RAB43: variants seen among roughly 807,000 people sequenced by gnomAD.
RAB43 encodes ras-related protein Rab-43.
RAB43 carries 6 observed loss-of-function variants against 18.8 expected under a neutral mutation model. The observed-to-expected ratio is 0.32, with a 90% confidence interval of 0.17 to 0.63. RAB43 has a LOEUF of 0.63. Among genes scored for constraint, RAB43 ranks in the 30% least tolerant of loss-of-function variants. The pLI is 0.79. For missense variants in RAB43, 195 were observed against 289.1 expected (o/e 0.67, Z 2.36); for synonymous variants, 103 against 124.1 (o/e 0.83, Z 1.13).
At chr3:129,092,497 C>T in intron 2 of RAB43, 2 of 700,284 alleles carry the variant, frequency 2.9e-6, no homozygotes, top group Non-Finnish European at 5.2e-6. Flanking sequence ...TATAGTGGCT[C>T]ACACCTGTAA....
At chr3:129,121,201 G>A (rs1935904336) in intron 1 of RAB43, 85 bp downstream of exon 1, 3 of 1,238,670 alleles carry the variant, frequency 2.4e-6, no homozygotes, top group Non-Finnish European at 3.4e-6. Flanking sequence ...TGGACGCGGG[G>A]TGCGCTCGCC....
intron 1 of RAB43, among the ~76,000 whole-genome samples, chr3:129,106,800 G>A (rs1359341627): frequency 6.6e-6 from 1 of 152,158 alleles, no homozygotes; most frequent in Non-Finnish European, 1.5e-5. Flanking sequence ...GTGCCTGAAG[G>A]CCCAGCATGA....
rs979833123 is a variant in RAB43, at chr3:129,095,444, G to A, written c.205-275C>T. Among the ~76,000 whole-genome samples the A allele has an allele frequency of 6.6e-6, 1 of 152,172 alleles. No individual in the cohort carries two copies. The highest frequency in any genetic ancestry group is 1.5e-5 in the Non-Finnish European group (1 of 68,024). On this transcript the variant is annotated intron_variant, in intron 1 of 2. Transcript: ENST00000315150. This position sits in a 1 kb window ranked among gnomAD's most constrained non-coding sequence, Gnocchi z 4.2. ...ACCCAGGTCCTCCGCGTGCCCCTCC[G>A]TGTGCCCCTCTCCCCTCAGGACTGG...
chr3:129,118,392 T>C (rs953775767), intron 1 of RAB43, among the ~76,000 whole-genome samples: 9 of 152,232 alleles, frequency 5.9e-5, no homozygotes, highest in Non-Finnish European at 1.0e-4. Flanking sequence ...GAGAATTCTT[T>C]AGTCAAATAA....
chr3:129,092,132 T>C (rs967743250), intron 2 of RAB43, among the ~76,000 whole-genome samples: 31 of 151,734 alleles, frequency 2.0e-4, no homozygotes, highest in African/African-American at 7.0e-4. Context: ...TAGCAACCAG[T>C]TTCAAAGTGT....
intron 1 of RAB43, among the ~76,000 whole-genome samples, chr3:129,098,803 T>C (rs1379349263): frequency 6.6e-6 from 1 of 152,156 alleles, no homozygotes; most frequent in Non-Finnish European, 1.5e-5. Flanking sequence ...CTGGGTGCAG[T>C]GTTTCATGCC....
intron 1 of RAB43, among the ~76,000 whole-genome samples, chr3:129,112,756 CTT>C (rs112217631): frequency 4.9e-5 from 7 of 143,760 alleles, no homozygotes; most frequent in Admixed American, 7.0e-5. Context: ...GTTTTTGTTG[CTT>C]TTTTTTTTTT....
At chr3:129,121,019 C>T (rs1935874476) in intron 1 of RAB43, among the ~76,000 whole-genome samples, 1 of 151,880 alleles carries the variant, frequency 6.6e-6, no homozygotes, top group Non-Finnish European at 1.5e-5. Flanking sequence ...ACAGTCCCCT[C>T]CTAGGGTGTG....
chr3:129,098,887 A>G (rs1278202171), intron 1 of RAB43, among the ~76,000 whole-genome samples: 2 of 152,070 alleles, frequency 1.3e-5, no homozygotes, highest in Non-Finnish European at 2.9e-5. Flanking sequence ...AGCCTGGCCA[A>G]CATGGTAAAA....
chr3:129,101,833 G>A (rs1934433347), intron 1 of RAB43, among the ~76,000 whole-genome samples: 1 of 152,216 alleles, frequency 6.6e-6, no homozygotes, highest in Admixed American at 6.5e-5. Context: ...GTCTCAGGCA[G>A]GGAAATATGA....
In RAB43 at chr3:129,121,599, G is replaced by T; in HGVS notation, c.-110C>A. On this transcript the variant is annotated 5_prime_UTR_variant, in exon 1 of 3. Transcript: ENST00000315150. ...TCCAGCCCACGGGCCGCCTGGCTAC[G>T]TGGAGCCGCCGCAACACCTGAACCC... 3.4e-6 allele frequency: 3 copies of T among 890,086 alleles called. No homozygotes were observed. Among genetic ancestry groups the T allele is most frequent in the South Asian group, 3.7e-5 (2 of 54,408 alleles). The allele number at this position is 890,086 out of a possible 1,614,324, so 55.1% of individuals were successfully genotyped here.
At chr3:129,121,150 A>T in intron 1 of RAB43, 136 bp downstream of exon 1, 1 of 587,962 alleles carries the variant, frequency 1.7e-6, no homozygotes, top group Non-Finnish European at 2.5e-6. Flanking sequence ...GCCTGCTCCG[A>T]CCCGAGGAAG....
rs1327409788 is a variant in RAB43, at chr3:129,104,919, C to T, written c.205-9750G>A. On this transcript the variant is annotated intron_variant, in intron 1 of 2. Transcript: ENST00000315150. ...TCTCATTTTCCCTGACACCATGGGC[C>T]TGTGGTCCAACCCTGAGCAGAATTA... 2.0e-5 allele frequency among the ~76,000 whole-genome samples: 3 copies of T among 152,190 alleles called. No individual in the cohort carries two copies. In the East Asian group the frequency reaches 5.8e-4, roughly 29 times the overall value.
At chr3:129,105,268 C>T (rs571877923) in intron 1 of RAB43, among the ~76,000 whole-genome samples, 39 of 152,248 alleles carry the variant, frequency 2.6e-4, no homozygotes, top group Non-Finnish European at 4.4e-4. Context: ...GCCTGGCCAA[C>T]GTGACGAAAC....
intron 1 of RAB43, among the ~76,000 whole-genome samples, chr3:129,096,985 C>A (rs1003550373): frequency 1.3e-5 from 2 of 151,922 alleles, no homozygotes; most frequent in Non-Finnish European, 2.9e-5. Flanking sequence ...TGGTGGTGCA[C>A]GCCTGTAATC....
At chr3:129,097,648 T>C (rs190980472) in intron 1 of RAB43, among the ~76,000 whole-genome samples, 8 of 152,084 alleles carry the variant, frequency 5.3e-5, no homozygotes. Context: ...GAAAGAGAGA[T>C]AAATCCCAGG....
intron 1 of RAB43, among the ~76,000 whole-genome samples, chr3:129,117,986 G>A (rs1351520981): frequency 6.6e-6 from 1 of 152,238 alleles, no homozygotes; most frequent in Non-Finnish European, 1.5e-5. Flanking sequence ...TGAAGCTGTG[G>A]TAAGTGTTAT....
intron 1 of RAB43, among the ~76,000 whole-genome samples, chr3:129,116,721 A>G (rs562074938): frequency 6.6e-6 from 1 of 152,340 alleles, no homozygotes. Flanking sequence ...GAGATCTGGC[A>G]GCATCCCTAG....
chr3:129,099,545 C>G (rs1934286486), intron 1 of RAB43, among the ~76,000 whole-genome samples: 1 of 152,158 alleles, frequency 6.6e-6, no homozygotes, highest in South Asian at 2.1e-4. Context: ...TGCCATCACA[C>G]CCGGCTAATT....
Sources: allele counts gnomAD v4.1 joint callset (sites outside exome capture counted in the v4.1 genomes callset), GRCh38; gene constraint gnomAD v4.1.1; non-coding constraint Gnocchi (gnomAD v3.1); transcripts MANE v1.5; gene names NCBI Gene and HGNC (gene_info 2026-07-23, HGNC 2026-07-21).